ADAMTS9: variants seen among roughly 807,000 people sequenced by gnomAD.
ADAMTS9 encodes A disintegrin and metalloproteinase with thrombospondin motifs 9.
A neutral mutation model predicts 257.1 loss-of-function variants in ADAMTS9; 107 were observed. The ratio of observed to expected loss-of-function variants is 0.42; its 90% CI spans 0.36 to 0.49. The LOEUF (loss-of-function observed/expected upper bound fraction) is 0.49, where lower values mean the gene tolerates loss of function less well. Among genes scored for constraint, ADAMTS9 ranks in the 20% least tolerant of loss-of-function variants. The pLI is 0.03. For missense variants in ADAMTS9, 2,353 were observed against 2,469.1 expected, an observed-to-expected ratio of 0.95 and a Z score of 1.00; for synonymous variants, 982 against 880.9, an observed-to-expected ratio of 1.11 and a Z score of -2.03.
intron 8 of ADAMTS9, among the ~76,000 whole-genome samples, chr3:64,653,799 CACTT>C (rs1266037220): frequency 8.5e-5 from 13 of 152,170 alleles, no homozygotes; most frequent in Non-Finnish European, 7.3e-5. Context: ...TCATAACGGC[CACTT>C]AGTGACCATA....
chr3:64,647,756 T>C (rs1458186711), intron 11 of ADAMTS9, among the ~76,000 whole-genome samples, 184 bp downstream of exon 11: 1 of 152,290 alleles, frequency 6.6e-6, no homozygotes, highest in Non-Finnish European at 1.5e-5. Flanking sequence ...ATCAGCATTA[T>C]GCTATAATCT....
intron 30 of ADAMTS9, among the ~76,000 whole-genome samples, chr3:64,558,571 T>C (rs888432870): frequency 6.6e-5 from 10 of 152,110 alleles, no homozygotes; most frequent in African/African-American, 2.2e-4. Flanking sequence ...AGAACATCCC[T>C]GATGACCATG....
chr3:64,558,221 C>T (rs537029047), intron 30 of ADAMTS9, among the ~76,000 whole-genome samples: 34 of 151,972 alleles, frequency 2.2e-4, no homozygotes, highest in Non-Finnish European at 4.6e-4. Context: ...AGTGTAGGTG[C>T]CAGCGTGCAA....
chr3:64,687,781 T>C lies in ADAMTS9; in HGVS notation c.-124A>G. The C allele has an allele frequency of 1.4e-6, 1 of 703,518 alleles. No homozygotes were observed. Among genetic ancestry groups the C allele is most frequent in the Non-Finnish European group, 2.2e-6 (1 of 452,094 alleles). The allele number at this position is 703,518 out of a possible 1,614,324, so 43.6% of individuals were successfully genotyped here. The stretch of plus-strand genomic sequence containing the variant: ...GAGCCCGGCGCCCGCCGCCAACTTT[T>C]GACTTTAGGAGTCGCTGAGGTCTCG... On this transcript the variant is annotated 5_prime_UTR_variant, in exon 1 of 40. Coordinates refer to ENST00000498707, the MANE Select transcript of ADAMTS9 (RefSeq NM_182920.2). This position sits in a 1 kb window ranked among gnomAD's most constrained non-coding sequence, Gnocchi z 4.4.
intron 14 of ADAMTS9, among the ~76,000 whole-genome samples, chr3:64,632,925 G>A (rs866760719): frequency 1.3e-5 from 2 of 152,204 alleles, no homozygotes; most frequent in South Asian, 2.1e-4. Context: ...CGTTGAAATG[G>A]TATCTAGCCC....
chr3:64,544,285 A>C (rs1342045863), intron 32 of ADAMTS9, among the ~76,000 whole-genome samples: 1 of 152,184 alleles, frequency 6.6e-6, no homozygotes, highest in Admixed American at 6.5e-5. Context: ...ATATGGAACC[A>C]AAAAAGAGCC....
intron 3 of ADAMTS9, among the ~76,000 whole-genome samples, chr3:64,665,407 T>C (rs935992318): frequency 3.3e-5 from 5 of 152,188 alleles, no homozygotes; most frequent in African/African-American, 1.2e-4. Flanking sequence ...CCACTTACAA[T>C]GTGGAGTAAG....
At chr3:64,529,965 CCA>C (rs1163409559) in intron 38 of ADAMTS9, among the ~76,000 whole-genome samples, 1 of 150,900 alleles carries the variant, frequency 6.6e-6, no homozygotes, top group Non-Finnish European at 1.5e-5. Flanking sequence ...GTGCACACCA[CCA>C]CAGTCAGTTA....
rs146893754 is a variant in ADAMTS9, at chr3:64,596,916, C to T, written c.4093G>A (p.Asp1365Asn). 346 of 1,613,966 alleles carry T rather than the reference C, an allele frequency of 2.1e-4. 1 individual carries two copies. The highest frequency in any genetic ancestry group is 2.7e-4 in the Non-Finnish European group (315 of 1,179,974). ...TCAGGTTTTATTCTCTCCACACAGT[C>T]GTTTGCGGTGTATCCATTTTCATCC... is the stretch of plus-strand genomic sequence containing the variant. ...CQDENGYTAN[D>N]CVERIKPDEQ... Residue 1365 changes from aspartate to asparagine, a missense_variant, in exon 27 of 40, where the codon GAC (aspartate) becomes AAC (asparagine). Physicochemically the swap from Asp to Asn is conservative, Grantham distance 23 (BLOSUM62 1). Coordinates refer to ENST00000498707, the MANE Select transcript of ADAMTS9 (RefSeq NM_182920.2).
At chr3:64,641,086 G>C (rs1307947981) in intron 12 of ADAMTS9, among the ~76,000 whole-genome samples, 1 of 151,632 alleles carries the variant, frequency 6.6e-6, no homozygotes, top group Non-Finnish European at 1.5e-5. Context: ...CATTATTGGT[G>C]GGAAAAAAAG....
At position 64,687,850 on chromosome 3, in the gene ADAMTS9, T is replaced by A; in HGVS notation, c.-193A>T. 1 of 447,848 alleles carries A rather than the reference T, an allele frequency of 2.2e-6. No individual in the cohort carries two copies. The allele number at this position is 447,848 out of a possible 1,614,324, so 27.7% of individuals were successfully genotyped here. A position where few individuals can be genotyped will look rare whatever the true frequency, so the allele number is the denominator to read the frequency against. On this transcript the variant is annotated 5_prime_UTR_variant, in exon 1 of 40. Transcript: ENST00000498707. This position sits in a 1 kb window ranked among gnomAD's most constrained non-coding sequence, Gnocchi z 4.4. ...CGCTCGGCTGAGCAACGCCGCCGCC[T>A]GCCGAGAGCTGAGCCGCTCGGGCCG...
At chr3:64,678,635 G>A (rs1310526407) in intron 3 of ADAMTS9, among the ~76,000 whole-genome samples, 1 of 152,168 alleles carries the variant, frequency 6.6e-6, no homozygotes, top group Non-Finnish European at 1.5e-5. Context: ...CTGAATCTGA[G>A]TGGATTGCTA....
intron 39 of ADAMTS9, among the ~76,000 whole-genome samples, chr3:64,520,858 A>G (rs1358553987): frequency 3.9e-5 from 6 of 152,192 alleles, no homozygotes; most frequent in African/African-American, 1.4e-4. Flanking sequence ...AAGAAAACCC[A>G]GGAAATACTC....
chr3:64,638,647 A>T (rs1210902561), intron 12 of ADAMTS9, among the ~76,000 whole-genome samples: 1 of 152,174 alleles, frequency 6.6e-6, no homozygotes, highest in East Asian at 1.9e-4. Flanking sequence ...CCCCACCTGT[A>T]ACACCATATA....
At position 64,687,471 on chromosome 3, in the gene ADAMTS9, C is replaced by T; in HGVS notation, c.115+72G>A. The T allele has an allele frequency of 4.1e-6, 5 of 1,232,772 alleles. No individual in the cohort carries two copies. The South Asian group carries it at 6.2e-5, about 15-fold the overall frequency. The allele number at this position is 1,232,772 out of a possible 1,614,324, so 76.4% of individuals were successfully genotyped here. On this transcript the variant is annotated intron_variant, in intron 1 of 39. Coordinates refer to ENST00000498707, the MANE Select transcript of ADAMTS9 (RefSeq NM_182920.2). This position sits in a 1 kb window ranked among gnomAD's most constrained non-coding sequence, Gnocchi z 4.4. Reference sequence around the variant, plus strand: ...GGAGAGAAGCCTCCGCTGCGGGGTGCCCCTGCCCAGGAGCGAGGACCGGGA... The same window carrying T: ...GGAGAGAAGCCTCCGCTGCGGGGTGTCCCTGCCCAGGAGCGAGGACCGGGA...
intron 10 of ADAMTS9, among the ~76,000 whole-genome samples, chr3:64,649,005 C>T (rs1008348971): frequency 1.3e-5 from 2 of 152,136 alleles, no homozygotes; most frequent in Admixed American, 6.5e-5. Context: ...CACACATACG[C>T]CACCCCAAAG....
Position 64,687,091 on chromosome 3 carries a change from C to T in ADAMTS9, c.116-123G>A, listed in dbSNP as rs1475954622. The T allele has an allele frequency of 7.5e-6, 9 of 1,194,358 alleles. No individual in the cohort carries two copies. In the East Asian group the frequency reaches 2.2e-4, roughly 29 times the overall value. The allele number at this position is 1,194,358 out of a possible 1,614,324, so 74.0% of individuals were successfully genotyped here. A position where few individuals can be genotyped will look rare whatever the true frequency, so the allele number is the denominator to read the frequency against. ...AGCCCATTCGAGTCAATCCCTTCAC[C>T]CTTAATCAGTGGACAAATATTTGCT... On this transcript the variant is annotated intron_variant, in intron 1 of 39. Transcript: ENST00000498707. The surrounding 1 kb of genome is among the most constrained non-coding windows in gnomAD (Gnocchi z 4.4).
At chr3:64,614,002 T>C (rs1232239507) in intron 21 of ADAMTS9, among the ~76,000 whole-genome samples, 6 of 152,224 alleles carry the variant, frequency 3.9e-5, no homozygotes, top group African/African-American at 7.2e-5. Context: ...ATCATCATTT[T>C]ATCCATACTT....
intron 16 of ADAMTS9, among the ~76,000 whole-genome samples, chr3:64,628,257 T>C (rs1293642689): frequency 6.6e-6 from 1 of 152,218 alleles, no homozygotes; most frequent in East Asian, 1.9e-4. Flanking sequence ...TAAAAGGTTA[T>C]CAGGAGGCCC....
Sources: gnomAD v4.1 joint callset for allele counts (sites outside exome capture counted in the v4.1 genomes callset) on GRCh38, gnomAD v4.1.1 for gene constraint, Gnocchi (gnomAD v3.1) non-coding constraint, MANE v1.5 for transcripts, NCBI Gene and HGNC (gene_info 2026-07-23, HGNC 2026-07-21) for gene names.